Variants in FBXL7 observed in about 807,000 individuals in gnomAD.
FBXL7 encodes the protein F-box and leucine rich repeat protein 7, also known as F-box/LRR-repeat protein 7.
Under a neutral mutation model 38.3 loss-of-function variants are expected in FBXL7, and 12 were observed. The observed-to-expected ratio is 0.31, with a 90% CI of 0.20 to 0.51. FBXL7 has a LOEUF of 0.51. Ranked by LOEUF, FBXL7 falls within the 20% of genes least tolerant of loss-of-function variation. FBXL7 has a pLI of 0.98. For missense variants in FBXL7, 567 were observed against 676.4 expected, an observed-to-expected ratio of 0.84 and a Z score of 1.79; for synonymous variants, 297 against 300.9, an observed-to-expected ratio of 0.99 and a Z score of 0.13.
intron 2 of FBXL7, among the ~76,000 whole-genome samples, chr5:15,822,949 C>T (rs1738211302): frequency 6.6e-6 from 1 of 152,032 alleles, no homozygotes; most frequent in Non-Finnish European, 1.5e-5. Flanking sequence ...AGCAAGTGTC[C>T]AGGTGATGCT....
intron 2 of FBXL7, among the ~76,000 whole-genome samples, chr5:15,725,331 T>C (rs1343181938): frequency 6.6e-6 from 1 of 152,178 alleles, no homozygotes; most frequent in Non-Finnish European, 1.5e-5. Flanking sequence ...GGTATGTTGA[T>C]TTTTTTCATT....
intron 2 of FBXL7, among the ~76,000 whole-genome samples, chr5:15,855,212 G>T (rs1340317114): frequency 6.6e-6 from 1 of 151,966 alleles, no homozygotes; most frequent in Admixed American, 6.6e-5. Flanking sequence ...AAAATTTTGT[G>T]CATTTTTATT....
intron 2 of FBXL7, among the ~76,000 whole-genome samples, chr5:15,806,369 ATTAAC>A (rs1379106618): frequency 1.3e-5 from 2 of 152,048 alleles, no homozygotes; most frequent in African/African-American, 4.8e-5. Flanking sequence ...ATCTGCTGCA[ATTAAC>A]TTTGACAAGT....
At chr5:15,739,900 G>C (rs1197894360) in intron 2 of FBXL7, among the ~76,000 whole-genome samples, 1 of 152,072 alleles carries the variant, frequency 6.6e-6, no homozygotes, top group African/African-American at 2.4e-5. Context: ...CCTAGGAGTG[G>C]AATATACCTA....
At chr5:15,740,562 G>GA (rs1324952244) in intron 2 of FBXL7, among the ~76,000 whole-genome samples, 6 of 151,680 alleles carry the variant, frequency 4.0e-5, no homozygotes, top group African/African-American at 9.7e-5. Context: ...TCCTTTGAAG[G>GA]AAAAAAAACA....
chr5:15,835,420 T>C (rs1266781616), intron 2 of FBXL7, among the ~76,000 whole-genome samples: 2 of 152,184 alleles, frequency 1.3e-5, no homozygotes, highest in Non-Finnish European at 2.9e-5. Context: ...TATGCAATTA[T>C]AATATGCGAT....
intron 1 of FBXL7, among the ~76,000 whole-genome samples, chr5:15,600,937 G>T (rs967787334): frequency 6.6e-6 from 1 of 152,188 alleles, no homozygotes. Context: ...AAAGGATAAT[G>T]CTGCCTCTCT....
intron 1 of FBXL7, among the ~76,000 whole-genome samples, chr5:15,581,775 C>T (rs891581034): frequency 2.0e-5 from 3 of 151,890 alleles, no homozygotes; most frequent in African/African-American, 7.3e-5. Flanking sequence ...TTAGTGGGTG[C>T]CACACAGTTG....
At chr5:15,713,489 A>C (rs1286231384) in intron 2 of FBXL7, among the ~76,000 whole-genome samples, 1 of 152,168 alleles carries the variant, frequency 6.6e-6, no homozygotes, top group African/African-American at 2.4e-5. Context: ...TCTTCCTTCC[A>C]AATCTAACTT....
chr5:15,918,111 C>T lies in FBXL7; in HGVS notation c.128-9779C>T, dbSNP rs182489795. Among the ~76,000 whole-genome samples, 568 of 151,996 alleles carry T rather than the reference C, an allele frequency of 3.7e-3. 4 individuals carry two copies. Among genetic ancestry groups the T allele is most frequent in the Non-Finnish European group, 5.9e-3 (403 of 67,970 alleles). On this transcript the variant is annotated intron_variant, in intron 2 of 3. Coordinates refer to ENST00000504595, the MANE Select transcript of FBXL7 (RefSeq NM_012304.5). Reference sequence around the variant, plus strand: ...AAAATTAGCTGGGCATGGTGGTGTGCGCCTATAATCCCAGCTACTCAGGAG... The same window carrying T: ...AAAATTAGCTGGGCATGGTGGTGTGTGCCTATAATCCCAGCTACTCAGGAG...
At chr5:15,916,142 A>G (rs1203302752) in intron 2 of FBXL7, among the ~76,000 whole-genome samples, 1 of 152,188 alleles carries the variant, frequency 6.6e-6, no homozygotes, top group Non-Finnish European at 1.5e-5. Flanking sequence ...GGAGAGGACT[A>G]GTTGTCCATA....
chr5:15,666,197 T>A (rs1580445188), intron 2 of FBXL7, among the ~76,000 whole-genome samples: 1 of 152,180 alleles, frequency 6.6e-6, no homozygotes, highest in East Asian at 1.9e-4. Context: ...TATTATTATT[T>A]TTGGTTGTAA....
intron 2 of FBXL7, among the ~76,000 whole-genome samples, chr5:15,792,936 G>A (rs149730491): frequency 6.6e-6 from 1 of 152,308 alleles, no homozygotes; most frequent in Non-Finnish European, 1.5e-5. Flanking sequence ...GGGAAGAATC[G>A]AGGAGAGGGG....
chr5:15,714,620 C>T (rs561340822), intron 2 of FBXL7, among the ~76,000 whole-genome samples: 5 of 152,136 alleles, frequency 3.3e-5, no homozygotes, highest in East Asian at 3.9e-4. Context: ...TTTAGGAGGC[C>T]GAGGCGGGTG....
At chr5:15,687,704 G>T (rs1743057952) in intron 2 of FBXL7, among the ~76,000 whole-genome samples, 1 of 152,210 alleles carries the variant, frequency 6.6e-6, no homozygotes, top group Admixed American at 6.5e-5. Context: ...GTGAGGAAAT[G>T]CTTCTGTTCC....
chr5:15,646,542 G>A (rs992929995), intron 2 of FBXL7, among the ~76,000 whole-genome samples: 1 of 152,164 alleles, frequency 6.6e-6, no homozygotes, highest in African/African-American at 2.4e-5. Context: ...ATACTCCTAC[G>A]TTAATGGAAA....
intron 2 of FBXL7, among the ~76,000 whole-genome samples, chr5:15,710,101 A>C (rs1229208155): frequency 6.6e-6 from 1 of 152,148 alleles, no homozygotes; most frequent in Non-Finnish European, 1.5e-5. Flanking sequence ...TTCTCAACAT[A>C]GCAAGCAGGA....
chr5:15,501,393 C>G, intron 1 of FBXL7: 2 of 982,266 alleles, frequency 2.0e-6, no homozygotes, highest in South Asian at 9.4e-5. Flanking sequence ...TGATGGATGT[C>G]TGGGTTGGCT....
chr5:15,892,410 T>C (rs937572082), intron 2 of FBXL7, among the ~76,000 whole-genome samples: 2 of 152,110 alleles, frequency 1.3e-5, no homozygotes, highest in Non-Finnish European at 2.9e-5. Flanking sequence ...AGGCGGGACA[T>C]GCAGCTGTGT....
Sources: allele counts gnomAD v4.1 joint callset (sites outside exome capture counted in the v4.1 genomes callset), GRCh38; gene constraint gnomAD v4.1.1; transcripts MANE v1.5; gene names NCBI Gene and HGNC (gene_info 2026-07-23, HGNC 2026-07-21).